MKLN1: variants seen among roughly 807,000 people sequenced by gnomAD.
The protein encoded by MKLN1 is muskelin 1, also known as muskelin.
In MKLN1, 18 loss-of-function variants were observed where a neutral mutation model predicts 99.0. The observed-to-expected ratio is 0.18, with a 90% CI of 0.13 to 0.27. The LOEUF is 0.27. Among genes scored for constraint, MKLN1 ranks in the 10% least tolerant of loss-of-function variants. The probability of loss-of-function intolerance (pLI) is 1.00; values close to 1 mark genes in which losing one functional copy is unlikely to be tolerated. For synonymous variants in MKLN1, 288 were observed against 293.2 expected (o/e 0.98, Z 0.18); for missense variants, 621 against 875.9 (o/e 0.71, Z 3.67).
At chr7:131,165,931 A>G (rs182274330) in intron 2 of MKLN1, among the ~76,000 whole-genome samples, 1 of 152,292 alleles carries the variant, frequency 6.6e-6, no homozygotes, top group Non-Finnish European at 1.5e-5. Context: ...CCGGGGCAAC[A>G]TGGCGAAACC....
intron 3 of MKLN1, among the ~76,000 whole-genome samples, chr7:131,291,579 A>ATT (rs754127294): frequency 1.2e-3 from 47 of 40,630 alleles, no homozygotes; most frequent in South Asian, 2.7e-3. Flanking sequence ...GCTTTCATTT[A>ATT]TTATATATAT....
chr7:131,335,209 T>C (rs1799217478), intron 1 of MKLN1, among the ~76,000 whole-genome samples: 1 of 152,170 alleles, frequency 6.6e-6, no homozygotes, highest in Non-Finnish European at 1.5e-5. Context: ...TTGTTGTTGT[T>C]TAATGAGAAC....
chr7:131,372,967 C>G (rs1554561152), intron 1 of MKLN1, among the ~76,000 whole-genome samples: 1 of 150,042 alleles, frequency 6.7e-6, no homozygotes, highest in Non-Finnish European at 1.5e-5. Flanking sequence ...GTTTCAATTT[C>G]TTAAATTTGT....
At chr7:131,466,955 CCT>C (rs1453091716) in intron 15 of MKLN1, among the ~76,000 whole-genome samples, 1 of 151,966 alleles carries the variant, frequency 6.6e-6, no homozygotes, top group Admixed American at 6.6e-5. Context: ...ACGCAGGCAC[CCT>C]GAGTCATGTT....
chr7:131,405,345 T>C (rs1426397994), intron 6 of MKLN1, among the ~76,000 whole-genome samples: 2 of 151,896 alleles, frequency 1.3e-5, no homozygotes, highest in African/African-American at 2.4e-5. Context: ...TTGTTACTTA[T>C]CTTGAATATA....
intron 2 of MKLN1, among the ~76,000 whole-genome samples, chr7:131,157,117 C>T (rs776875972): frequency 6.6e-4 from 100 of 152,314 alleles, no homozygotes; most frequent in African/African-American, 1.9e-3. Context: ...TGATGGCTTA[C>T]GCCTGTAATC....
chr7:131,448,636 G>T (rs1457964320), intron 12 of MKLN1, among the ~76,000 whole-genome samples: 2 of 152,118 alleles, frequency 1.3e-5, no homozygotes, highest in African/African-American at 2.4e-5. Context: ...ATTAAATTGT[G>T]GGATTTTTTC....
chr7:131,397,592 A>T (rs1260777249), intron 5 of MKLN1, among the ~76,000 whole-genome samples: 1 of 152,132 alleles, frequency 6.6e-6, no homozygotes, highest in Non-Finnish European at 1.5e-5. Context: ...TATTATCCCC[A>T]TTAGTTTATA....
rs1402366911 is a variant in MKLN1, at chr7:131,119,403, G to C, written c.-419+9196G>C. ...CTGCTTTCATGGGCTGGTGTTGAAT[G>C]GCTGTGGCTTTTCCAGGGCATAGTG... On this transcript the variant is annotated intron_variant, in intron 1 of 7. Coordinates refer to the MKLN1 transcript ENST00000416992. Among the ~76,000 whole-genome samples the C allele has an allele frequency of 3.9e-5, 6 of 152,340 alleles. No individual in the cohort carries two copies. The East Asian group carries it at 1.2e-3, about 29-fold the overall frequency.
rs1348257288 is a variant in MKLN1, at chr7:131,464,323, C to T, written c.1703C>T (p.Ala568Val). 6.2e-7 allele frequency: 1 copy of T among 1,613,008 alleles called. No individual in the cohort carries two copies. Among genetic ancestry groups the T allele is most frequent in the Non-Finnish European group, 8.5e-7 (1 of 1,179,280 alleles). ...WSCVYKNDQA[A>V]KDNPTKSLQE... ...TGTGTCTATAAGAATGATCAAGCTG[C>T]AAAGGATAATCCAACTAAAAGTCTT... is the stretch of plus-strand genomic sequence containing the variant. The change falls in exon 14 of 18, where the codon GCA (alanine) becomes GTA (valine). Residue 568 changes from alanine (A) to valine (V), a missense_variant. By Grantham distance (64) the Ala-to-Val change is moderately conservative (BLOSUM62 0). This residue lies in a region of MKLN1 where 30 missense variants were observed against 29.3 expected (regional missense o/e 1.02). Transcript: ENST00000352689.
chr7:131,492,734 CAA>C lies in MKLN1; in HGVS notation c.*5024_*5025del, dbSNP rs3079482. ...TGGGCAACAGAGCAAGACCCTGTCT[CAA>C]AAAAAAAAAAAAAAAAAGAATGTGA... On this transcript the variant is annotated 3_prime_UTR_variant, in exon 18 of 18. Transcript: ENST00000352689. The C allele has an allele frequency of 1.0e-3, 119 of 117,148 alleles. No homozygotes were observed. Among genetic ancestry groups the C allele is most frequent in the Middle Eastern group, 4.5e-3 (1 of 224 alleles). 7.3% of individuals were successfully genotyped at this position (117,148 alleles called of 1,614,324 possible).
chr7:131,334,880 A>G (rs1186059511), intron 1 of MKLN1, among the ~76,000 whole-genome samples: 2 of 152,248 alleles, frequency 1.3e-5, no homozygotes, highest in East Asian at 3.8e-4. Context: ...TTGAGAATTT[A>G]GAGATCCCTA....
intron 1 of MKLN1, among the ~76,000 whole-genome samples, chr7:131,373,000 T>C (rs940452946): frequency 6.6e-6 from 1 of 152,000 alleles, no homozygotes; most frequent in African/African-American, 2.4e-5. Flanking sequence ...TAATGGTTTA[T>C]ACATAGAAAA....
chr7:131,366,531 C>T (rs1315059897), intron 1 of MKLN1, among the ~76,000 whole-genome samples: 1 of 152,122 alleles, frequency 6.6e-6, no homozygotes, highest in African/African-American at 2.4e-5. Flanking sequence ...TAATTTAGGG[C>T]TGGGTGTGGT....
intron 3 of MKLN1, among the ~76,000 whole-genome samples, chr7:131,315,644 A>G (rs905485879): frequency 6.6e-6 from 1 of 152,170 alleles, no homozygotes; most frequent in Admixed American, 6.5e-5. Context: ...GCTAAGAACC[A>G]CTGGCTTGAA....
chr7:131,457,159 C>T (rs903602566), intron 12 of MKLN1, among the ~76,000 whole-genome samples: 3 of 151,936 alleles, frequency 2.0e-5, no homozygotes, highest in African/African-American at 4.8e-5. Context: ...TGCCTGTAGT[C>T]CCAGCTACTC....
At chr7:131,315,948 TCC>T (rs1484579703) in intron 3 of MKLN1, among the ~76,000 whole-genome samples, 1 of 152,180 alleles carries the variant, frequency 6.6e-6, no homozygotes, top group Admixed American at 6.6e-5. Flanking sequence ...CACTGGATTG[TCC>T]CCAGAGCACT....
In MKLN1 at chr7:131,173,140, A is replaced by AACACACACACAC. The variant is rs56672099; in HGVS notation, c.-296-29701_-296-29690dup. On this transcript the variant is annotated intron_variant, in intron 2 of 7. Coordinates refer to the MKLN1 transcript ENST00000416992. ...GTATACATCATATTTTGTATATACA[A>AACACACACACAC]ACACACACACACACACACACACACA... is the stretch of plus-strand genomic sequence containing the variant. 2.0e-3 allele frequency among the ~76,000 whole-genome samples: 299 copies of AACACACACACAC among 150,110 alleles called. 1 individual carries two copies. The highest frequency in any genetic ancestry group is 6.9e-3 in the African/African-American group (281 of 40,894).
rs565579451 is a variant in MKLN1, at chr7:131,397,676, A to T, written c.510+300A>T. On this transcript the variant is annotated intron_variant, in intron 5 of 17. Coordinates refer to ENST00000352689, the MANE Select transcript of MKLN1 (RefSeq NM_013255.5). The stretch of plus-strand genomic sequence containing the variant: ...ACAATTGTAAAGTGTTTGAGCCAGT[A>T]TATGAATTCAGGCAGTTTGGCTCCA... Among the ~76,000 whole-genome samples, 42 of 152,336 alleles carry T rather than the reference A, an allele frequency of 2.8e-4. No individual in the cohort carries two copies. The South Asian group carries it at 8.3e-3, about 30-fold the overall frequency.
Sources: gnomAD v4.1 joint callset for allele counts (sites outside exome capture counted in the v4.1 genomes callset) on GRCh38, gnomAD v4.1.1 for gene constraint, gnomAD v4.1.1 regional missense constraint, MANE v1.5 for transcripts, NCBI Gene and HGNC (gene_info 2026-07-23, HGNC 2026-07-21) for gene names.